The following SEZ6L variants were observed in gnomAD, a reference collection of about 807,000 sequenced individuals.
The protein encoded by SEZ6L is seizure related 6 homolog like.
A neutral mutation model predicts 106.2 loss-of-function variants in SEZ6L; 37 were observed. That is an observed-to-expected ratio of 0.35 (90% confidence interval 0.27 to 0.46). The LOEUF (loss-of-function observed/expected upper bound fraction) is 0.46. Among genes scored for constraint, SEZ6L ranks in the 20% least tolerant of loss-of-function variants. The pLI, the probability that SEZ6L is intolerant of heterozygous loss-of-function variation, is 1.00. For missense variants in SEZ6L, 1,172 were observed against 1,332.8 expected (o/e 0.88, Z 1.88); for synonymous variants, 541 against 570.4 (o/e 0.95, Z 0.73).
intron 15 of SEZ6L, among the ~76,000 whole-genome samples, chr22:26,377,348 C>T (rs1479573304): frequency 1.3e-5 from 2 of 152,104 alleles, no homozygotes; most frequent in Admixed American, 1.3e-4. Context: ...TCAATAAATG[C>T]TCATCCTTGT....
At chr22:26,331,042 C>CTATG (rs1365645183) in intron 9 of SEZ6L, among the ~76,000 whole-genome samples, 5 of 152,206 alleles carry the variant, frequency 3.3e-5, no homozygotes, top group Non-Finnish European at 7.3e-5. Context: ...TCATGTCTTT[C>CTATG]TATGCCCTCT....
intron 1 of SEZ6L, among the ~76,000 whole-genome samples, chr22:26,228,002 T>C (rs1340487660): frequency 6.6e-6 from 1 of 152,160 alleles, no homozygotes; most frequent in African/African-American, 2.4e-5. Flanking sequence ...TTGATAAAAT[T>C]GTCCCTGGGA....
rs143289452 is a variant in SEZ6L at position 26,232,568 on chromosome 22, G to T, written c.95-59838G>T. Among the ~76,000 whole-genome samples, 664 of 152,148 alleles carry T rather than the reference G, an allele frequency of 4.4e-3. 16 individuals carry two copies. The highest frequency in any genetic ancestry group is 0.038 in the Admixed American group (575 of 15,286). Reference sequence around the variant, plus strand: ...CACATTATAATACCATATTTTCACCGCACCTTTTTCATGATCCGATACACA... The same window carrying T: ...CACATTATAATACCATATTTTCACCTCACCTTTTTCATGATCCGATACACA... On this transcript the variant is annotated intron_variant, in intron 1 of 16. Transcript: ENST00000248933.
intron 1 of SEZ6L, among the ~76,000 whole-genome samples, chr22:26,188,359 G>A (rs1939942681): frequency 6.6e-6 from 1 of 152,172 alleles, no homozygotes; most frequent in Non-Finnish European, 1.5e-5. Context: ...TCAGCATGGT[G>A]TTGAAAAGAG....
chr22:26,219,065 T>C (rs1020955907), intron 1 of SEZ6L, among the ~76,000 whole-genome samples: 1 of 152,224 alleles, frequency 6.6e-6, no homozygotes, highest in Admixed American at 6.5e-5. Flanking sequence ...TCCCCAGCCA[T>C]AGCCAGAAAG....
At chr22:26,315,526 C>T (rs2081971962) in intron 9 of SEZ6L, among the ~76,000 whole-genome samples, 1 of 152,086 alleles carries the variant, frequency 6.6e-6, no homozygotes, top group African/African-American at 2.4e-5. Context: ...CCTCCTTCTC[C>T]AGTGGAGTCA....
At chr22:26,298,330 T>C (rs1016971043) in intron 4 of SEZ6L, among the ~76,000 whole-genome samples, 3 of 152,220 alleles carry the variant, frequency 2.0e-5, no homozygotes, top group Admixed American at 6.5e-5. Context: ...CATCCTCTTA[T>C]GAAAACTGAG....
chr22:26,299,261 G>A, intron 5 of SEZ6L, 92 bp downstream of exon 5: 1 of 1,103,786 alleles, frequency 9.1e-7, no homozygotes, highest in Non-Finnish European at 1.2e-6. Flanking sequence ...CTCAGGGAAT[G>A]GCTTTCAGCC....
chr22:26,327,106 C>A (rs1569464528), intron 9 of SEZ6L, among the ~76,000 whole-genome samples: 1 of 152,080 alleles, frequency 6.6e-6, no homozygotes, highest in Non-Finnish European at 1.5e-5. Context: ...CCAGCCACTG[C>A]CAGCTTCTGC....
intron 1 of SEZ6L, among the ~76,000 whole-genome samples, chr22:26,210,679 GT>G: frequency 6.6e-6 from 1 of 152,044 alleles, no homozygotes; most frequent in Non-Finnish European, 1.5e-5. Context: ...TCTCAGAATG[GT>G]TTTTTTATTA....
chr22:26,239,747 G>A (rs139363767), intron 1 of SEZ6L, among the ~76,000 whole-genome samples: 7 of 152,100 alleles, frequency 4.6e-5, no homozygotes, highest in African/African-American at 1.2e-4. Flanking sequence ...TCACAGAGCC[G>A]CTGAGGTTGT....
chr22:26,275,950 G>T (rs901952257), intron 1 of SEZ6L, among the ~76,000 whole-genome samples: 1 of 152,186 alleles, frequency 6.6e-6, no homozygotes, highest in African/African-American at 2.4e-5. Flanking sequence ...CTGGAGGAGA[G>T]ACATGGAGCA....
chr22:26,349,654 C>T (rs2083206479), intron 11 of SEZ6L, among the ~76,000 whole-genome samples: 1 of 152,194 alleles, frequency 6.6e-6, no homozygotes, highest in South Asian at 2.1e-4. Flanking sequence ...ATGTGAACAA[C>T]CACACCCAGC....
chr22:26,246,796 G>C lies in SEZ6L; in HGVS notation c.95-45610G>C, dbSNP rs1369831235. On this transcript the variant is annotated intron_variant, in intron 1 of 16. Coordinates refer to ENST00000248933, the MANE Select transcript of SEZ6L (RefSeq NM_021115.5). ...AGAGATGATTAGCATTGTTGTTGCT[G>C]CTCTTAATTAGAGCTATTAATAACC... Among the ~76,000 whole-genome samples the C allele has an allele frequency of 2.0e-5, 3 of 152,156 alleles. No homozygotes were observed. In the East Asian group the frequency reaches 5.8e-4, roughly 29 times the overall value.
chr22:26,213,396 C>G (rs1300912578), intron 1 of SEZ6L, among the ~76,000 whole-genome samples: 1 of 152,206 alleles, frequency 6.6e-6, no homozygotes, highest in East Asian at 1.9e-4. Flanking sequence ...AGCGGAAATA[C>G]TGATGTGTTC....
chr22:26,233,326 T>C (rs1462468434), intron 1 of SEZ6L, among the ~76,000 whole-genome samples: 1 of 152,218 alleles, frequency 6.6e-6, no homozygotes, highest in African/African-American at 2.4e-5. Context: ...TGATCCCCCC[T>C]GGCACATCTT....
intron 1 of SEZ6L, among the ~76,000 whole-genome samples, chr22:26,181,586 C>A (rs545791123): frequency 1.3e-5 from 2 of 152,258 alleles, no homozygotes; most frequent in South Asian, 2.1e-4. Context: ...TAAAGAAAGC[C>A]TCTCTTGTTA....
chr22:26,175,714 T>C (rs1343196092), intron 1 of SEZ6L, among the ~76,000 whole-genome samples: 1 of 152,138 alleles, frequency 6.6e-6, no homozygotes, highest in African/African-American at 2.4e-5. Flanking sequence ...TTCTCAAGTT[T>C]CCAGGTCACC....
intron 1 of SEZ6L, among the ~76,000 whole-genome samples, chr22:26,199,895 T>G (rs1940818861): frequency 6.6e-6 from 1 of 152,256 alleles, no homozygotes. Flanking sequence ...CATCTCATAT[T>G]CACCACCTTA....
Sources: allele counts gnomAD v4.1 joint callset (sites outside exome capture counted in the v4.1 genomes callset), GRCh38; gene constraint gnomAD v4.1.1; transcripts MANE v1.5; gene names NCBI Gene and HGNC (gene_info 2026-07-23, HGNC 2026-07-21).